Variants in UTRN observed in about 807,000 individuals in gnomAD.
The protein encoded by UTRN is utrophin.
UTRN carries 283 observed loss-of-function variants against 463.9 expected under a neutral mutation model. The ratio of observed to expected loss-of-function variants is 0.61; its 90% CI spans 0.55 to 0.67. The LOEUF (loss-of-function observed/expected upper bound fraction) is 0.67. Ranked by LOEUF, UTRN falls within the 30% of genes least tolerant of loss-of-function variation. The pLI is 0.00. For synonymous variants in UTRN, 1,442 were observed against 1,431.5 expected (o/e 1.01, Z -0.17); for missense variants, 3,922 against 4,084.3 (o/e 0.96, Z 1.08).
chr6:144,437,113 C>T (rs374437253), intron 10 of UTRN, among the ~76,000 whole-genome samples: 8 of 151,692 alleles, frequency 5.3e-5, no homozygotes, highest in Non-Finnish European at 5.9e-5. Flanking sequence ...CCACCACGCC[C>T]GGCTAATTTT....
intron 2 of UTRN, among the ~76,000 whole-genome samples, chr6:144,359,370 G>A (rs926412118): frequency 3.3e-5 from 5 of 152,222 alleles, no homozygotes; most frequent in African/African-American, 1.2e-4. Flanking sequence ...GCCTGGCACT[G>A]ATCTGATGAG....
chr6:144,728,498 A>G (rs1788154238), intron 53 of UTRN, among the ~76,000 whole-genome samples: 1 of 148,034 alleles, frequency 6.8e-6, no homozygotes, highest in Non-Finnish European at 1.5e-5. Flanking sequence ...AATTTCCTGA[A>G]TGTCACACAT....
intron 2 of UTRN, among the ~76,000 whole-genome samples, chr6:144,364,441 T>C (rs1385046668): frequency 6.6e-6 from 1 of 152,108 alleles, no homozygotes; most frequent in Non-Finnish European, 1.5e-5. Context: ...GGTGTAGATT[T>C]TGTGTGTGGG....
At chr6:144,330,432 G>A (rs914125812) in intron 2 of UTRN, among the ~76,000 whole-genome samples, 3 of 152,158 alleles carry the variant, frequency 2.0e-5, no homozygotes, top group Non-Finnish European at 4.4e-5. Context: ...GAGTATGTAG[G>A]TTGAAAAATA....
chr6:144,448,961 T>C (rs1355008598), intron 17 of UTRN, among the ~76,000 whole-genome samples, 192 bp downstream of exon 17: 1 of 152,190 alleles, frequency 6.6e-6, no homozygotes, highest in African/African-American at 2.4e-5. Flanking sequence ...TAGCTAAGCA[T>C]CCAAATTTTC....
intron 51 of UTRN, among the ~76,000 whole-genome samples, chr6:144,658,831 G>A (rs1043688461): frequency 4.6e-5 from 7 of 152,080 alleles, no homozygotes; most frequent in Admixed American, 6.5e-5. Context: ...TCTTTAAAGC[G>A]ATGACACTTA....
chr6:144,612,484 T>C (rs1403657773), intron 51 of UTRN, among the ~76,000 whole-genome samples: 1 of 152,026 alleles, frequency 6.6e-6, no homozygotes, highest in Admixed American at 6.6e-5. Context: ...ACAGCCAATA[T>C]ATATAAGCAC....
intron 10 of UTRN, among the ~76,000 whole-genome samples, chr6:144,436,887 TA>T (rs1355938561): frequency 3.5e-5 from 5 of 144,854 alleles, no homozygotes; most frequent in African/African-American, 1.0e-4. Context: ...AATATATAAA[TA>T]TTTTTATATA....
At chr6:144,745,529 A>G (rs1272827359) in intron 54 of UTRN, among the ~76,000 whole-genome samples, 2 of 152,246 alleles carry the variant, frequency 1.3e-5, no homozygotes, top group East Asian at 1.9e-4. Flanking sequence ...TCTGGCAGAC[A>G]GATGGTGAAT....
Position 144,806,769 on chromosome 6 carries a change from TA to T in UTRN, c.9357+3625del, listed in dbSNP as rs2128748592. On this transcript the variant is annotated intron_variant, in intron 65 of 74. Transcript: ENST00000367545. ...ACCTTTGCTTGCTCACTCTTGTGCCTAAACCAGGTATCAAGTCTGGACATAT... is the reference window on the plus strand; with the variant it reads ...ACCTTTGCTTGCTCACTCTTGTGCCTAACCAGGTATCAAGTCTGGACATAT... Among the ~76,000 whole-genome samples the T allele has an allele frequency of 1.5e-5, 2 of 133,234 alleles. 1 individual carries two copies. The highest frequency in any genetic ancestry group is 5.6e-4 in the South Asian group (2 of 3,540). 87.4% of individuals were successfully genotyped at this position (133,234 alleles called of 152,430 possible). A position where few individuals can be genotyped will look rare whatever the true frequency, so the allele number is the denominator to read the frequency against.
In UTRN at chr6:144,531,081, G is replaced by A; in HGVS notation, c.5936G>A (p.Arg1979Lys). ...TTTGACAGGGCAATGGAAGAATGGA[G>A]ACAGTTCCATTGTGACCTTAATGAC... is the stretch of plus-strand genomic sequence containing the variant. ...GCFDRAMEEW[R>K]QFHCDLNDLT... Residue 1979 changes from arginine to lysine, a missense_variant, in exon 42 of 75, where the codon AGA becomes AAA. Coordinates refer to ENST00000367545, the MANE Select transcript of UTRN (RefSeq NM_007124.3). 2 of 1,613,952 alleles carry A rather than the reference G, an allele frequency of 1.2e-6. No individual in the cohort carries two copies. Among genetic ancestry groups the A allele is most frequent in the East Asian group, 2.2e-5 (1 of 44,858 alleles).
intron 23 of UTRN, among the ~76,000 whole-genome samples, chr6:144,465,277 A>C (rs932548001): frequency 1.3e-5 from 2 of 152,230 alleles, no homozygotes; most frequent in East Asian, 3.8e-4. Context: ...GTATGCTACT[A>C]TTTCAATATG....
intron 69 of UTRN, 82 bp from the exon 70 acceptor site, chr6:144,835,698 A>G (rs2128760287): frequency 2.5e-6 from 4 of 1,570,046 alleles, no homozygotes; most frequent in Non-Finnish European, 3.5e-6. Context: ...TATCCTGTCC[A>G]TCATTATTTC....
intron 2 of UTRN, chr6:144,311,821 G>A (rs1293193256): frequency 1.3e-5 from 2 of 152,028 alleles, no homozygotes; most frequent in Non-Finnish European, 2.9e-5. Context: ...ATTATATGAT[G>A]GTATTTAGGG....
intron 23 of UTRN, among the ~76,000 whole-genome samples, chr6:144,472,380 G>C (rs942506999): frequency 2.0e-5 from 3 of 148,470 alleles, no homozygotes; most frequent in African/African-American, 7.5e-5. Context: ...TCTCACATTT[G>C]AAGATGCTCT....
intron 64 of UTRN, chr6:144,799,268 C>T: frequency 3.0e-6 from 1 of 336,414 alleles, no homozygotes; most frequent in South Asian, 2.4e-5. Context: ...AATGAAAATT[C>T]AAAAGTTCTC....
intron 43 of UTRN, among the ~76,000 whole-genome samples, chr6:144,533,864 T>C (rs1797298814): frequency 6.6e-6 from 1 of 152,138 alleles, no homozygotes; most frequent in Non-Finnish European, 1.5e-5. Flanking sequence ...TTTCCATATT[T>C]AAAATTATTT....
At chr6:144,732,251 T>TATACACACAC (rs1554360009) in intron 54 of UTRN, among the ~76,000 whole-genome samples, 1 of 116,124 alleles carries the variant, frequency 8.6e-6, no homozygotes, top group Admixed American at 9.2e-5. Context: ...TATATATATA[T>TATACACACAC]ATATATACAC....
At chr6:144,332,941 T>C (rs1398198474) in intron 2 of UTRN, among the ~76,000 whole-genome samples, 5 of 139,122 alleles carry the variant, frequency 3.6e-5, no homozygotes, top group Non-Finnish European at 8.1e-5. Context: ...TATTTATTTA[T>C]TTATTTATTT....
Sources: allele counts gnomAD v4.1 joint callset (sites outside exome capture counted in the v4.1 genomes callset), GRCh38; gene constraint gnomAD v4.1.1; transcripts MANE v1.5; gene names NCBI Gene and HGNC (gene_info 2026-07-23, HGNC 2026-07-21).